Variants in PEX5L observed in about 807,000 individuals in gnomAD.
PEX5L encodes the protein peroxisomal biogenesis factor 5 like, also known as PEX5-related protein.
PEX5L carries 30 observed loss-of-function variants against 84.0 expected under a neutral mutation model. The observed-to-expected ratio is 0.36, with a 90% CI of 0.27 to 0.48. PEX5L has a LOEUF of 0.48. PEX5L is among the 20% of genes least tolerant of loss of function. The pLI is 0.99. For synonymous variants in PEX5L, 270 were observed against 283.1 expected, an observed-to-expected ratio of 0.95 and a Z score of 0.46; for missense variants, 533 against 754.6, an observed-to-expected ratio of 0.71 and a Z score of 3.44.
chr3:179,863,826 G>C (rs1011075006), intron 7 of PEX5L, among the ~76,000 whole-genome samples: 8 of 152,106 alleles, frequency 5.3e-5, no homozygotes, highest in Admixed American at 5.3e-4. Context: ...TCCACTACTG[G>C]GTATATATCT....
chr3:179,919,844 A>C (rs1768661904), intron 2 of PEX5L, among the ~76,000 whole-genome samples: 1 of 152,124 alleles, frequency 6.6e-6, no homozygotes, highest in African/African-American at 2.4e-5. Flanking sequence ...CTGGGATTAT[A>C]GGTGTGTGCC....
At chr3:179,882,581 G>T (rs1366604694) in intron 4 of PEX5L, among the ~76,000 whole-genome samples, 1 of 152,134 alleles carries the variant, frequency 6.6e-6, no homozygotes, top group Non-Finnish European at 1.5e-5. Flanking sequence ...GAGAAGGGTG[G>T]GTGTAGCCTT....
In PEX5L at chr3:180,036,889, G is replaced by A. The variant is rs552457691; in HGVS notation, c.-290C>T. The A allele has an allele frequency of 7.7e-6, 4 of 518,840 alleles. No homozygotes were observed. The highest frequency in any genetic ancestry group is 3.1e-5 in the Admixed American group (1 of 31,872). The allele number at this position is 518,840 out of a possible 1,614,324, so 32.1% of individuals were successfully genotyped here. A position where few individuals can be genotyped will look rare whatever the true frequency, so the allele number is the denominator to read the frequency against. On this transcript the variant is annotated 5_prime_UTR_variant, in exon 1 of 15. Transcript: ENST00000467460. ...CTGCAGGCGCGGGTCCTGCTCGCGG[G>A]GCGTCTCTAGAACTCACTCCTTCTT...
chr3:179,966,503 C>T lies in PEX5L; in HGVS notation c.93+5091G>A, dbSNP rs528956282. ...GGCAGGAACACATATTACCCTCATC[C>T]TTTTTACTATTTGTGAGTCTGAGAC... On this transcript the variant is annotated intron_variant, in intron 2 of 14. Transcript: ENST00000467460. Among the ~76,000 whole-genome samples, 19 of 152,266 alleles carry T rather than the reference C, an allele frequency of 1.2e-4. 1 individual carries two copies. In the East Asian group the frequency reaches 3.5e-3, roughly 28 times the overall value.
At chr3:179,879,311 T>C (rs191841687) in intron 5 of PEX5L, among the ~76,000 whole-genome samples, 16 of 152,330 alleles carry the variant, frequency 1.1e-4, no homozygotes, top group African/African-American at 3.6e-4. Context: ...GGCTTTGAGG[T>C]TGACTAGAAC....
At chr3:179,814,513 T>C (rs1725279037) in intron 10 of PEX5L, among the ~76,000 whole-genome samples, 2 of 152,348 alleles carry the variant, frequency 1.3e-5, no homozygotes, top group African/African-American at 2.4e-5. Context: ...TATTCTACAT[T>C]GCATTCTCAG....
chr3:179,813,808 C>G (rs1724923159), intron 10 of PEX5L, among the ~76,000 whole-genome samples: 1 of 151,962 alleles, frequency 6.6e-6, no homozygotes, highest in Admixed American at 6.6e-5. Flanking sequence ...TCCCGAGTAG[C>G]TGGGACTACA....
chr3:179,962,673 C>A (rs1782364986), intron 2 of PEX5L, among the ~76,000 whole-genome samples: 1 of 152,180 alleles, frequency 6.6e-6, no homozygotes, highest in Non-Finnish European at 1.5e-5. Context: ...GATGAACCTA[C>A]TTAAAAATCA....
rs1438426575 is a variant in PEX5L at position 179,869,425 on chromosome 3, T to C, written c.726+4902A>G. On this transcript the variant is annotated intron_variant, in intron 7 of 14. Transcript: ENST00000467460. ...TCCAGGGAATATTAGTTACACAGTT[T>C]GGGTAAGTGTCAAGAAACTTTATTC... 3.9e-5 allele frequency among the ~76,000 whole-genome samples: 6 copies of C among 152,336 alleles called. No homozygotes were observed. In the East Asian group the frequency reaches 7.7e-4, roughly 20 times the overall value.
At chr3:179,958,918 T>A (rs1187821115) in intron 2 of PEX5L, among the ~76,000 whole-genome samples, 1 of 152,024 alleles carries the variant, frequency 6.6e-6, no homozygotes, top group Non-Finnish European at 1.5e-5. Context: ...TAAAACAGAT[T>A]CCTGAGGCTG....
At chr3:179,935,591 T>C (rs1774355396) in intron 2 of PEX5L, among the ~76,000 whole-genome samples, 1 of 152,188 alleles carries the variant, frequency 6.6e-6, no homozygotes, top group South Asian at 2.1e-4. Context: ...GAAATACATG[T>C]TTTTTAGAGT....
intron 1 of PEX5L, among the ~76,000 whole-genome samples, chr3:180,034,286 A>G (rs1385215308): frequency 6.6e-6 from 1 of 152,194 alleles, no homozygotes; most frequent in Non-Finnish European, 1.5e-5. Flanking sequence ...TATGTTTCAA[A>G]TTAACTCCAA....
chr3:179,862,715 G>A (rs576754412), intron 7 of PEX5L, among the ~76,000 whole-genome samples: 9 of 152,156 alleles, frequency 5.9e-5, no homozygotes, highest in South Asian at 2.1e-4. Flanking sequence ...AAAAAATCCC[G>A]TGATCATGAA....
chr3:179,875,251 A>G (rs1751950901), intron 6 of PEX5L, 103 bp downstream of exon 6: 4 of 1,049,796 alleles, frequency 3.8e-6, no homozygotes, highest in South Asian at 2.8e-5. Context: ...TAGGGGTTAC[A>G]TGTGATGCCA....
intron 3 of PEX5L, among the ~76,000 whole-genome samples, chr3:179,892,864 TGAA>T (rs1219988159): frequency 2.0e-5 from 3 of 152,114 alleles, no homozygotes; most frequent in African/African-American, 7.2e-5. Context: ...ATTCGACACT[TGAA>T]GAAGGACTTG....
At chr3:179,999,372 C>A (rs983027112) in intron 1 of PEX5L, among the ~76,000 whole-genome samples, 3 of 152,146 alleles carry the variant, frequency 2.0e-5, no homozygotes, top group Non-Finnish European at 2.9e-5. Context: ...CTGTCATCGC[C>A]CAATGGTCCC....
chr3:179,876,181 G>A lies in PEX5L; in HGVS notation c.506-704C>T, dbSNP rs1017046794. Among the ~76,000 whole-genome samples, 8 of 152,134 alleles carry A rather than the reference G, an allele frequency of 5.3e-5. 1 individual carries two copies. Among genetic ancestry groups the A allele is most frequent in the African/African-American group, 1.9e-4 (8 of 41,520 alleles). Reference sequence around the variant, plus strand: ...GAATAAACCACTGAAACAATCTTGGGGTTCAGTTTTTTAGTTTATAAAAAG... The same window carrying A: ...GAATAAACCACTGAAACAATCTTGGAGTTCAGTTTTTTAGTTTATAAAAAG... On this transcript the variant is annotated intron_variant, in intron 5 of 14. Transcript: ENST00000467460.
chr3:179,980,855 C>G (rs149936840), intron 1 of PEX5L, among the ~76,000 whole-genome samples: 5,635 of 152,052 alleles, frequency 0.037, 142 homozygotes, highest in Admixed American at 0.056. Context: ...GAAACCCTGT[C>G]TCTACTAAAA....
intron 4 of PEX5L, among the ~76,000 whole-genome samples, chr3:179,886,422 G>A (rs1755887258): frequency 6.6e-6 from 1 of 152,202 alleles, no homozygotes; most frequent in South Asian, 2.1e-4. Flanking sequence ...CAACGCAATT[G>A]AAAATGAAAG....
Sources: gnomAD v4.1 joint callset for allele counts (sites outside exome capture counted in the v4.1 genomes callset) on GRCh38, gnomAD v4.1.1 for gene constraint, MANE v1.5 for transcripts, NCBI Gene and HGNC (gene_info 2026-07-23, HGNC 2026-07-21) for gene names.